TAB2: variants seen among roughly 807,000 people sequenced by gnomAD.
TAB2 encodes the protein TGF-beta-activated kinase 1 and MAP3K7-binding protein 2.
TAB2 carries 3 observed loss-of-function variants against 65.0 expected under a neutral mutation model. That is an observed-to-expected ratio of 0.05 (90% CI 0.02 to 0.12). The LOEUF is 0.12. Among genes scored for constraint, TAB2 ranks in the 10% least tolerant of loss-of-function variants. The probability of loss-of-function intolerance (pLI) is 1.00; values close to 1 mark genes in which losing one functional copy is unlikely to be tolerated. For missense variants in TAB2, 623 were observed against 840.3 expected, an observed-to-expected ratio of 0.74 and a Z score of 3.20; for synonymous variants, 298 against 285.1, an observed-to-expected ratio of 1.05 and a Z score of -0.46.
intron 1 of TAB2, among the ~76,000 whole-genome samples, chr6:149,332,362 A>G (rs1467576852): frequency 6.6e-6 from 1 of 152,188 alleles, no homozygotes; most frequent in Admixed American, 6.5e-5. Context: ...CTTTCTAGTT[A>G]CTGTAATTTC....
chr6:149,400,698 T>G, intron 6 of TAB2: 1 of 1,610,786 alleles, frequency 6.2e-7, no homozygotes. Context: ...CCTGCTTCTT[T>G]ACTCCAGAAC....
chr6:149,366,204 T>G (rs1027373942), intron 1 of TAB2, among the ~76,000 whole-genome samples: 5 of 152,202 alleles, frequency 3.3e-5, no homozygotes, highest in Non-Finnish European at 5.9e-5. Flanking sequence ...CTGGATTCTG[T>G]ATTCCTCCAG....
intron 1 of TAB2, among the ~76,000 whole-genome samples, chr6:149,366,550 C>G (rs1781045696): frequency 6.6e-6 from 1 of 152,100 alleles, no homozygotes; most frequent in African/African-American, 2.4e-5. Context: ...CTGGGACCTG[C>G]TCTCTGAGTA....
At chr6:149,238,818 C>T (rs1385890488) in intron 1 of TAB2, among the ~76,000 whole-genome samples, 1 of 152,164 alleles carries the variant, frequency 6.6e-6, no homozygotes, top group Non-Finnish European at 1.5e-5. Flanking sequence ...TGAGCACAGC[C>T]GGATGTCCCA....
chr6:149,353,234 C>T (rs1562429940), intron 1 of TAB2, among the ~76,000 whole-genome samples: 2 of 150,470 alleles, frequency 1.3e-5, no homozygotes. Flanking sequence ...CTGGGTGCTG[C>T]TGCTGCTGCT....
intron 1 of TAB2, among the ~76,000 whole-genome samples, chr6:149,338,693 C>T (rs934558679): frequency 2.0e-5 from 3 of 152,072 alleles, no homozygotes; most frequent in East Asian, 1.9e-4. Context: ...CTACAAGGAG[C>T]CTAACAGACT....
chr6:149,257,463 T>C (rs1214395230), intron 1 of TAB2: 1 of 152,084 alleles, frequency 6.6e-6, no homozygotes, highest in African/African-American at 2.4e-5. Context: ...TTCTTTAAAA[T>C]GACTCTGCTT....
At chr6:149,256,634 G>GA in intron 1 of TAB2, among the ~76,000 whole-genome samples, 1 of 152,234 alleles carries the variant, frequency 6.6e-6, no homozygotes, top group East Asian at 1.9e-4. Flanking sequence ...TATTGCACTA[G>GA]AAAAATTGAT....
At chr6:149,249,346 C>T (rs1777809362) in intron 1 of TAB2, among the ~76,000 whole-genome samples, 1 of 152,146 alleles carries the variant, frequency 6.6e-6, no homozygotes, top group South Asian at 2.1e-4. Context: ...CCCTCAAAAA[C>T]ATCCCATCAG....
chr6:149,320,579 T>C (rs943827874), intron 1 of TAB2, among the ~76,000 whole-genome samples: 1 of 152,236 alleles, frequency 6.6e-6, no homozygotes, highest in Non-Finnish European at 1.5e-5. Flanking sequence ...GTGAACCTAC[T>C]GCATTTTGAA....
chr6:149,281,086 C>T (rs1039426286), intron 1 of TAB2, among the ~76,000 whole-genome samples: 2 of 146,792 alleles, frequency 1.4e-5, no homozygotes, highest in African/African-American at 2.7e-5. Flanking sequence ...AATGAATACA[C>T]GGGTAAATAT....
chr6:149,319,621 C>G (rs1779369631), intron 1 of TAB2, among the ~76,000 whole-genome samples: 1 of 152,188 alleles, frequency 6.6e-6, no homozygotes, highest in Non-Finnish European at 1.5e-5. Context: ...TTCAGAACTT[C>G]TGTTTGGGTT....
chr6:149,362,762 CTT>C (rs1780893773), intron 1 of TAB2, among the ~76,000 whole-genome samples: 1 of 152,150 alleles, frequency 6.6e-6, no homozygotes. Flanking sequence ...CTTTGACAGA[CTT>C]TGCCATATTT....
At chr6:149,344,218 A>G (rs1344985316) in intron 1 of TAB2, among the ~76,000 whole-genome samples, 1 of 152,176 alleles carries the variant, frequency 6.6e-6, no homozygotes, top group Admixed American at 6.5e-5. Context: ...AAGGAATTAC[A>G]TATGAATATC....
chr6:149,344,837 A>C (rs372342262), intron 1 of TAB2, among the ~76,000 whole-genome samples: 1 of 152,190 alleles, frequency 6.6e-6, no homozygotes, highest in Non-Finnish European at 1.5e-5. Flanking sequence ...CTTAATCCTC[A>C]CTACTGGAAT....
intron 1 of TAB2, among the ~76,000 whole-genome samples, chr6:149,318,982 A>G (rs1432668809): frequency 1.3e-5 from 2 of 152,244 alleles, no homozygotes; most frequent in Non-Finnish European, 2.9e-5. Context: ...TTAGGCCCCC[A>G]GTGCAGGCTG....
At chr6:149,357,002 A>G (rs988154493) in intron 1 of TAB2, among the ~76,000 whole-genome samples, 7 of 152,338 alleles carry the variant, frequency 4.6e-5, no homozygotes, top group Middle Eastern at 3.4e-3. Flanking sequence ...TGACTATTCA[A>G]TTATTTCATT....
rs1172430077 is a variant in TAB2, at chr6:149,378,215, T to G, written c.300T>G (p.Ser100Arg). 6.2e-7 allele frequency: 1 copy of G among 1,614,068 alleles called. No individual in the cohort carries two copies. The highest frequency in any genetic ancestry group is 8.5e-7 in the Non-Finnish European group (1 of 1,180,042). The change falls in exon 3 of 7, where the codon AGT (serine) becomes AGG (arginine). Residue 100 changes from serine (S) to arginine (R), a missense_variant. Ser to Arg is a moderately radical substitution (Grantham distance 110). Transcript: ENST00000637181. ...HGREGSRMNG[S>R]RTLTHSISDG... ...GAGAAGGAAGTAGGATGAATGGAAG[T>G]AGGACTCTAACGCACAGCATTAGTG...
chr6:149,265,998 C>T (rs556613849), intron 1 of TAB2, among the ~76,000 whole-genome samples: 3 of 152,292 alleles, frequency 2.0e-5, no homozygotes, highest in African/African-American at 7.2e-5. Context: ...ACCTGAAGCC[C>T]GTTCCTGGGT....
Sources: gnomAD v4.1 joint callset for allele counts (sites outside exome capture counted in the v4.1 genomes callset) on GRCh38, gnomAD v4.1.1 for gene constraint, MANE v1.5 for transcripts, NCBI Gene and HGNC (gene_info 2026-07-23, HGNC 2026-07-21) for gene names.